Variants in DYNC2I1 observed in about 807,000 individuals in gnomAD.
DYNC2I1 encodes cytoplasmic dynein 2 intermediate chain 1.
A neutral mutation model predicts 133.4 loss-of-function variants in DYNC2I1; 89 were observed. The observed-to-expected ratio is 0.67, with a 90% CI of 0.56 to 0.80. The LOEUF is 0.80. DYNC2I1 is among the 30% of genes least tolerant of loss of function. The probability of loss-of-function intolerance (pLI) is 0.00; values close to 1 mark genes in which losing one functional copy is unlikely to be tolerated. For synonymous variants in DYNC2I1, 504 were observed against 484.3 expected (o/e 1.04, Z -0.54); for missense variants, 1,291 against 1,314.5 (o/e 0.98, Z 0.28).
At chr7:158,894,112 T>TGCATATCCTACTGCATATCATACC (rs1554455761) in intron 8 of DYNC2I1, among the ~76,000 whole-genome samples, 9,325 of 48,550 alleles carry the variant, frequency 0.19, 391 homozygotes, top group African/African-American at 0.25. Flanking sequence ...CATATCCTAC[T>TGCATATCCTACTGCATATCATACC]GCATATCCTA....
At chr7:158,952,959 G>C (rs1176838917) in intron 4 of DYNC2I1, among the ~76,000 whole-genome samples, 1 of 152,168 alleles carries the variant, frequency 6.6e-6, no homozygotes. Flanking sequence ...ACTGCCTCGG[G>C]CTCCTGCCCA....
At chr7:158,943,497 C>T (rs912506967) in intron 24 of DYNC2I1, among the ~76,000 whole-genome samples, 2 of 152,078 alleles carry the variant, frequency 1.3e-5, no homozygotes, top group African/African-American at 2.4e-5. Flanking sequence ...GCCGAGGGGG[C>T]AGGAAGGATG....
At chr7:158,958,220 T>C (rs1852250104), downstream of DYNC2I1, among the ~76,000 whole-genome samples, 1 of 152,024 alleles carries the variant, frequency 6.6e-6, no homozygotes, top group African/African-American at 2.4e-5. Context: ...TTGGTGTTGC[T>C]TATGAGGTGC....
At chr7:158,886,364 C>T (rs1563113064) in intron 6 of DYNC2I1, among the ~76,000 whole-genome samples, 1 of 152,018 alleles carries the variant, frequency 6.6e-6, no homozygotes, top group Non-Finnish European at 1.5e-5. Context: ...GAACTCCTGA[C>T]CTCAGGCAGT....
chr7:158,940,247 C>A (rs1275504377), intron 23 of DYNC2I1, among the ~76,000 whole-genome samples: 1 of 152,140 alleles, frequency 6.6e-6, no homozygotes, highest in Non-Finnish European at 1.5e-5. Context: ...CACCTCAGAT[C>A]ATCAGGCATT....
intron 5 of DYNC2I1, among the ~76,000 whole-genome samples, chr7:158,881,015 C>A (rs1033602099): frequency 1.3e-5 from 2 of 152,216 alleles, no homozygotes; most frequent in Non-Finnish European, 2.9e-5. Context: ...TGAACTGACA[C>A]AGCTGAGGAA....
Position 158,926,370 on chromosome 7 carries a change from C to T in DYNC2I1, c.2372-32C>T, listed in dbSNP as rs375861404. The stretch of plus-strand genomic sequence containing the variant: ...GAAATATGGTTTCCTTATTTAAAGC[C>T]ATTTCTTTCTTTTTGTTTCTGTCTT... On this transcript the variant is annotated intron_variant, in intron 18 of 24. Transcript: ENST00000407559. 1.6e-5 allele frequency: 25 copies of T among 1,605,586 alleles called. No homozygotes were observed. The East Asian group carries it at 4.3e-4, about 27-fold the overall frequency.
chr7:158,854,502 G>C (rs111820562), upstream of DYNC2I1, among the ~76,000 whole-genome samples: 33 of 151,642 alleles, frequency 2.2e-4, no homozygotes, highest in South Asian at 5.7e-3. Context: ...GGTCTGTCGG[G>C]GGGGGCTGGG....
chr7:158,925,797 G>A (rs1393167106), intron 17 of DYNC2I1, among the ~76,000 whole-genome samples: 1 of 152,036 alleles, frequency 6.6e-6, no homozygotes, highest in African/African-American at 2.4e-5. Flanking sequence ...GTGCTGCTCC[G>A]ACCTCCTCTG....
At chr7:158,915,990 G>A (rs6977426) in intron 14 of DYNC2I1, among the ~76,000 whole-genome samples, 8 of 69,188 alleles carry the variant, frequency 1.2e-4, no homozygotes, top group East Asian at 3.9e-4. Context: ...GTGAAACGTC[G>A]ACACGCTGGT....
chr7:158,912,306 G>A (rs1176149262), intron 12 of DYNC2I1, among the ~76,000 whole-genome samples: 1 of 152,192 alleles, frequency 6.6e-6, no homozygotes, highest in Non-Finnish European at 1.5e-5. Context: ...TTTGAAGTCA[G>A]ACGTCTTATC....
At position 158,891,349 on chromosome 7, in the gene DYNC2I1, C is replaced by T. The variant is rs1436466071; in HGVS notation, c.1059+16C>T. 6.2e-7 allele frequency: 1 copy of T among 1,613,998 alleles called. No individual in the cohort carries two copies. The highest frequency in any genetic ancestry group is 8.5e-7 in the Non-Finnish European group (1 of 1,179,848). ...GGAAACCGTGGTAAGGAGAGTACGT[C>T]TTCTTATAGTTTGCAATCCTGTCCC... is the stretch of plus-strand genomic sequence containing the variant. On this transcript the variant is annotated intron_variant, in intron 8 of 24. Transcript: ENST00000407559.
In DYNC2I1 at chr7:158,879,972, A is replaced by G. The variant is rs763821220; in HGVS notation, c.862A>G (p.Arg288Gly). The change falls in exon 5 of 25, where the codon AGG (arginine) becomes GGG (glycine). Residue 288 changes from arginine (R) to glycine (G), a missense_variant. Coordinates refer to ENST00000407559, the MANE Select transcript of DYNC2I1 (RefSeq NM_018051.5). ...RKEKSAKDEP[R>G]KRESQNGEHR... ...AGAGAAATCGGCAAAAGATGAGCCC[A>G]GGAAAAGGGAATCCCAGGTACCCCT... 6.3e-7 allele frequency: 1 copy of G among 1,596,044 alleles called. No homozygotes were observed. The highest frequency in any genetic ancestry group is 8.5e-7 in the Non-Finnish European group (1 of 1,174,708).
chr7:158,882,272 G>T (rs1844112568), intron 5 of DYNC2I1, among the ~76,000 whole-genome samples: 1 of 151,998 alleles, frequency 6.6e-6, no homozygotes, highest in Admixed American at 6.6e-5. Flanking sequence ...ATAGGATAAA[G>T]AACTACCAAA....
At chr7:158,909,899 T>A (rs1356023707) in intron 11 of DYNC2I1, among the ~76,000 whole-genome samples, 1 of 152,162 alleles carries the variant, frequency 6.6e-6, no homozygotes, top group African/African-American at 2.4e-5. Flanking sequence ...TCGAGCCTCC[T>A]GCAGGCCTGT....
At chr7:158,891,838 T>C (rs1169918564) in intron 8 of DYNC2I1, among the ~76,000 whole-genome samples, 1 of 152,128 alleles carries the variant, frequency 6.6e-6, no homozygotes, top group African/African-American at 2.4e-5. Flanking sequence ...ATCAAGGAAA[T>C]GCAGGTATCC....
intron 1 of DYNC2I1, among the ~76,000 whole-genome samples, chr7:158,862,975 C>T (rs1841994359): frequency 1.3e-5 from 2 of 151,924 alleles, no homozygotes; most frequent in South Asian, 2.1e-4. Context: ...GGAGTGAAGC[C>T]CCAGACCTTT....
Position 158,945,205 on chromosome 7 carries a change from C to A in DYNC2I1, c.3003-376C>A, listed in dbSNP as rs1484190381. Among the ~76,000 whole-genome samples, 1 of 152,144 alleles carries A rather than the reference C, an allele frequency of 6.6e-6. No homozygotes were observed. Among genetic ancestry groups the A allele is most frequent in the Middle Eastern group, 3.4e-3 (1 of 294 alleles). On this transcript the variant is annotated intron_variant, in intron 24 of 24. Transcript: ENST00000407559. This position sits in a 1 kb window ranked among gnomAD's most constrained non-coding sequence, Gnocchi z 4.1. ...GGCTGGAGACGCAGACTTGTGAGTC[C>A]TGACACTCAGCTGTGGGTGAGATCC... is the stretch of plus-strand genomic sequence containing the variant.
chr7:158,940,127 ACACTAGAC>A (rs1851193356), intron 23 of DYNC2I1, among the ~76,000 whole-genome samples: 1 of 152,176 alleles, frequency 6.6e-6, no homozygotes, highest in South Asian at 2.1e-4. Context: ...GTTAAACTAC[ACACTAGAC>A]CAGTGGTCCC....
Sources: gnomAD v4.1 joint callset for allele counts (sites outside exome capture counted in the v4.1 genomes callset) on GRCh38, gnomAD v4.1.1 for gene constraint, Gnocchi (gnomAD v3.1) non-coding constraint, MANE v1.5 for transcripts, NCBI Gene and HGNC (gene_info 2026-07-23, HGNC 2026-07-21) for gene names.